SEMA4D: variants seen among roughly 807,000 people sequenced by gnomAD.
SEMA4D encodes the protein semaphorin 4D, also known as semaphorin-4D.
SEMA4D carries 22 observed loss-of-function variants against 74.8 expected under a neutral mutation model. The ratio of observed to expected loss-of-function variants is 0.29; its 90% CI spans 0.21 to 0.42. The LOEUF is 0.42. SEMA4D is among the 10% of genes least tolerant of loss of function. The probability of loss-of-function intolerance (pLI) is 1.00; values close to 1 mark genes in which losing one functional copy is unlikely to be tolerated. For missense variants in SEMA4D, 937 were observed against 1,118.4 expected, an observed-to-expected ratio of 0.84 and a Z score of 2.31; for synonymous variants, 445 against 463.7, an observed-to-expected ratio of 0.96 and a Z score of 0.52.
chr9:89,432,272 T>TAC (rs1305880430), intron 2 of SEMA4D, among the ~76,000 whole-genome samples: 1 of 152,248 alleles, frequency 6.6e-6, no homozygotes, highest in East Asian at 1.9e-4. Flanking sequence ...ATAAGTGTAC[T>TAC]ACCACAGAAT....
intron 3 of SEMA4D, among the ~76,000 whole-genome samples, 196 bp from the exon 4 acceptor site, chr9:89,403,212 T>A (rs970989142): frequency 5.3e-5 from 8 of 152,308 alleles, no homozygotes; most frequent in Middle Eastern, 6.8e-3. Context: ...AGACCCACAG[T>A]GTAGCCATCA....
chr9:89,387,654 C>T (rs184619660), intron 11 of SEMA4D, 46 bp from the exon 12 acceptor site: 61 of 1,570,010 alleles, frequency 3.9e-5, no homozygotes, highest in Admixed American at 2.4e-4. Flanking sequence ...TGTCCCACCA[C>T]GCAACGGGTG....
Position 89,393,581 on chromosome 9 carries a change from G to T in SEMA4D, c.489C>A (p.Ser163Arg). ...ACTCACCAACCATGACGGATGTGTA[G>T]CTGTGTGCTGGGTCAAAGGGACATC... Reference protein sequence around the residue: ...KGRCPFDPAHSYTSVMVDGEL... With the variant: ...KGRCPFDPAHRYTSVMVDGEL... The change falls in exon 7 of 16, where the codon AGC (serine) becomes AGA (arginine). Residue 163 changes from serine to arginine, a missense_variant. Transcript: ENST00000422704. 1 of 1,614,132 alleles carries T rather than the reference G, an allele frequency of 6.2e-7. No individual in the cohort carries two copies. The highest frequency in any genetic ancestry group is 8.5e-7 in the Non-Finnish European group (1 of 1,179,944).
intron 2 of SEMA4D, among the ~76,000 whole-genome samples, chr9:89,410,003 T>C (rs1002632025): frequency 6.8e-6 from 1 of 146,190 alleles, no homozygotes; most frequent in Non-Finnish European, 1.5e-5. Context: ...CTTTGGAATC[T>C]ATTAATAGGT....
intron 2 of SEMA4D, among the ~76,000 whole-genome samples, chr9:89,441,201 G>A (rs554705851): frequency 5.9e-5 from 9 of 152,354 alleles, no homozygotes; most frequent in African/African-American, 1.9e-4. Flanking sequence ...TGAAAGATCT[G>A]CCTTAAACCA....
chr9:89,480,140 C>A (rs1824434504), intron 1 of SEMA4D, among the ~76,000 whole-genome samples: 1 of 151,958 alleles, frequency 6.6e-6, no homozygotes, highest in Admixed American at 6.6e-5. Context: ...AAACCTTGAG[C>A]TAAACACAGG....
At chr9:89,473,579 G>A (rs1362172586) in intron 1 of SEMA4D, among the ~76,000 whole-genome samples, 2 of 152,224 alleles carry the variant, frequency 1.3e-5, no homozygotes, top group East Asian at 1.9e-4. Flanking sequence ...AACAACGGCC[G>A]GGCATGGTGC....
intron 2 of SEMA4D, chr9:89,450,303 T>G (rs1326701243): frequency 1.1e-6 from 1 of 916,148 alleles, no homozygotes; most frequent in African/African-American, 1.6e-5. Context: ...TATGTACAAA[T>G]GAGACCCCTC....
At chr9:89,464,437 C>A (rs528172841) in intron 1 of SEMA4D, among the ~76,000 whole-genome samples, 1 of 152,154 alleles carries the variant, frequency 6.6e-6, no homozygotes, top group East Asian at 1.9e-4. Flanking sequence ...CAGCAGGGCG[C>A]AGCCAGGCTG....
rs1168121923 is a variant in SEMA4D at position 89,377,482 on chromosome 9, A to T, written c.*1222T>A. 6.4e-6 allele frequency: 1 copy of T among 155,874 alleles called. No individual in the cohort carries two copies. The highest frequency in any genetic ancestry group is 1.4e-5 in the Non-Finnish European group (1 of 70,364). The allele number at this position is 155,874 out of a possible 1,614,324, so 9.7% of individuals were successfully genotyped here. ...AAGCGGGGAGATGGAGTGTGAAATT[A>T]ACCAGTGTTGAAATCGTACCACCCA... On this transcript the variant is annotated 3_prime_UTR_variant, in exon 16 of 16. Transcript: ENST00000422704.
intron 1 of SEMA4D, among the ~76,000 whole-genome samples, chr9:89,496,328 CGG>C (rs1224993658): frequency 6.6e-6 from 1 of 152,202 alleles, no homozygotes; most frequent in African/African-American, 2.4e-5. Context: ...TGCATCCCCA[CGG>C]TGGCCTTTTG....
At chr9:89,475,857 G>A (rs946633632) in intron 1 of SEMA4D, among the ~76,000 whole-genome samples, 8 of 152,156 alleles carry the variant, frequency 5.3e-5, no homozygotes, top group African/African-American at 1.7e-4. Context: ...AAAATATCAT[G>A]GAGGCAGAGC....
intron 1 of SEMA4D, among the ~76,000 whole-genome samples, chr9:89,463,842 G>A (rs1857952843): frequency 6.6e-6 from 1 of 151,904 alleles, no homozygotes; most frequent in Non-Finnish European, 1.5e-5. Flanking sequence ...GCTGAGGCAG[G>A]AGGCTTGCTT....
intron 6 of SEMA4D, among the ~76,000 whole-genome samples, chr9:89,394,273 A>G (rs2133293970): frequency 1.3e-5 from 2 of 152,350 alleles, no homozygotes; most frequent in Middle Eastern, 6.8e-3. Context: ...AACAATGCAC[A>G]GATCCAACCA....
chr9:89,492,865 C>T lies in SEMA4D; in HGVS notation c.-310+5054G>A, dbSNP rs531927896. Among the ~76,000 whole-genome samples, 4 of 152,190 alleles carry T rather than the reference C, an allele frequency of 2.6e-5. No homozygotes were observed. Among genetic ancestry groups the T allele is most frequent in the Non-Finnish European group, 4.4e-5 (3 of 68,036 alleles). On this transcript the variant is annotated intron_variant, in intron 1 of 15. Coordinates refer to ENST00000422704, the MANE Select transcript of SEMA4D (RefSeq NM_001371194.2). The surrounding 1 kb of genome is among the most constrained non-coding windows in gnomAD (Gnocchi z 4.3). ...GCCTAAGTGTCCCCTCACCACTCCTCACCTCCCCTACATCTAGGGCTCAGC... is the reference window on the plus strand; with the variant it reads ...GCCTAAGTGTCCCCTCACCACTCCTTACCTCCCCTACATCTAGGGCTCAGC...
In SEMA4D at chr9:89,402,994, A is replaced by G; in HGVS notation, c.129T>C (p.His43=). 2 of 1,611,730 alleles carry G rather than the reference A, an allele frequency of 1.2e-6. No individual in the cohort carries two copies. The highest frequency in any genetic ancestry group is 1.7e-6 in the Non-Finnish European group (2 of 1,177,898). ...CTGAGTAGTTGTAGATGTCTGGCTCATGAAACTGCACCAGGTGCACCTCTG... is the reference window on the plus strand; with the variant it reads ...CTGAGTAGTTGTAGATGTCTGGCTCGTGAAACTGCACCAGGTGCACCTCTG... ...EHREVHLVQF[H]EPDIYNYSAL... is the part of the protein sequence containing the mutation. Residue 43 remains histidine, a synonymous_variant, in exon 4 of 16, where the codon CAT becomes CAC. Transcript: ENST00000422704.
At chr9:89,440,143 G>C (rs4255230) in intron 2 of SEMA4D, among the ~76,000 whole-genome samples, 148,645 of 152,212 alleles carry the variant, frequency 0.98, 72,694 homozygotes, top group Non-Finnish European at 1. Context: ...TGGGAGCCAC[G>C]CAGGCTGTGG....
intron 1 of SEMA4D, among the ~76,000 whole-genome samples, chr9:89,478,653 T>G (rs1374582061): frequency 6.6e-6 from 1 of 152,258 alleles, no homozygotes; most frequent in South Asian, 2.1e-4. Flanking sequence ...TATGAAAATG[T>G]GCGGAATGAG....
chr9:89,474,464 G>C (rs957474436), intron 1 of SEMA4D, among the ~76,000 whole-genome samples: 8 of 152,320 alleles, frequency 5.3e-5, no homozygotes, highest in Non-Finnish European at 1.0e-4. Flanking sequence ...ACAGATGAAA[G>C]CAGCAACTAA....
Sources: allele counts gnomAD v4.1 joint callset (sites outside exome capture counted in the v4.1 genomes callset), GRCh38; gene constraint gnomAD v4.1.1; non-coding constraint Gnocchi (gnomAD v3.1); transcripts MANE v1.5; gene names NCBI Gene and HGNC (gene_info 2026-07-23, HGNC 2026-07-21).